TAOK1: variants seen among roughly 807,000 people sequenced by gnomAD.
TAOK1 encodes serine/threonine-protein kinase TAO1.
In TAOK1, 21 loss-of-function variants were observed where a neutral mutation model predicts 138.3. That is an observed-to-expected ratio of 0.15 (90% CI 0.11 to 0.22). The LOEUF (loss-of-function observed/expected upper bound fraction) is 0.22. Among genes scored for constraint, TAOK1 ranks in the 10% least tolerant of loss-of-function variants. The pLI, the probability that TAOK1 is intolerant of heterozygous loss-of-function variation, is 1.00. For synonymous variants in TAOK1, 361 were observed against 398.4 expected, an observed-to-expected ratio of 0.91 and a Z score of 1.12; for missense variants, 651 against 1,227.7, an observed-to-expected ratio of 0.53 and a Z score of 7.02.
intron 17 of TAOK1, among the ~76,000 whole-genome samples, chr17:29,523,751 T>C (rs1400730458): frequency 2.0e-5 from 3 of 152,228 alleles, no homozygotes; most frequent in Non-Finnish European, 1.5e-5. Flanking sequence ...TCAATTGCTC[T>C]GTACATATCT....
intron 19 of TAOK1, among the ~76,000 whole-genome samples, chr17:29,535,128 A>G (rs1598528444): frequency 6.6e-6 from 1 of 152,262 alleles, no homozygotes; most frequent in Non-Finnish European, 1.5e-5. Flanking sequence ...CCTGGGCAAC[A>G]CAGGGAGACC....
At chr17:29,456,858 C>A (rs929003660) in intron 2 of TAOK1, among the ~76,000 whole-genome samples, 9 of 150,112 alleles carry the variant, frequency 6.0e-5, no homozygotes, top group South Asian at 2.1e-4. Flanking sequence ...GTCAGCCCCC[C>A]AAGTAGCTGG....
At chr17:29,419,708 G>A (rs1172966366) in intron 1 of TAOK1, among the ~76,000 whole-genome samples, 1 of 151,636 alleles carries the variant, frequency 6.6e-6, no homozygotes, top group African/African-American at 2.4e-5. Flanking sequence ...TACCCAGGAT[G>A]GTTTTGAACT....
chr17:29,405,226 G>A (rs1029616817), intron 1 of TAOK1, among the ~76,000 whole-genome samples: 4 of 152,124 alleles, frequency 2.6e-5, no homozygotes, highest in African/African-American at 9.7e-5. Context: ...GACCTCAGGT[G>A]ATACACCCGC....
At position 29,490,067 on chromosome 17, in the gene TAOK1, G is replaced by A. The variant is rs966094596; in HGVS notation, c.749+310G>A. On this transcript the variant is annotated intron_variant, in intron 9 of 19. Transcript: ENST00000261716. Reference sequence around the variant, plus strand: ...CCTAATCCTAATTAAATAATAAATAGCATTTAAGCATTAATATTTTATAAC... The same window carrying A: ...CCTAATCCTAATTAAATAATAAATAACATTTAAGCATTAATATTTTATAAC... Among the ~76,000 whole-genome samples, 8 of 151,748 alleles carry A rather than the reference G, an allele frequency of 5.3e-5. No individual in the cohort carries two copies. In the East Asian group the frequency reaches 9.6e-4, roughly 18 times the overall value.
chr17:29,401,371 T>C lies in TAOK1; in HGVS notation c.-95+10347T>C, dbSNP rs1479227684. ...TGGGGAGGCTTCAGAAAACTTACAA[T>C]CATAGCGGAAGTGGAAGTGGGCATA... is the stretch of plus-strand genomic sequence containing the variant. On this transcript the variant is annotated intron_variant, in intron 1 of 19. Coordinates refer to ENST00000261716, the MANE Select transcript of TAOK1 (RefSeq NM_020791.4). Among the ~76,000 whole-genome samples, 14 of 152,110 alleles carry C rather than the reference T, an allele frequency of 9.2e-5. No homozygotes were observed. In the East Asian group the frequency reaches 2.7e-3, roughly 29 times the overall value.
At chr17:29,482,125 G>A (rs2031077611) in intron 7 of TAOK1, 72 bp from the exon 8 acceptor site, 1 of 1,091,846 alleles carries the variant, frequency 9.2e-7, no homozygotes, top group Non-Finnish European at 1.4e-6. Flanking sequence ...CCATGTAGAT[G>A]ACTGTTACAT....
intron 14 of TAOK1, among the ~76,000 whole-genome samples, chr17:29,509,514 A>AAG (rs2031681069): frequency 6.6e-6 from 1 of 151,402 alleles, no homozygotes; most frequent in South Asian, 2.1e-4. Context: ...TATTATTTTT[A>AAG]ATAGCTTGGG....
intron 13 of TAOK1, among the ~76,000 whole-genome samples, chr17:29,507,137 CA>C (rs1206287032): frequency 6.6e-6 from 1 of 152,116 alleles, no homozygotes; most frequent in African/African-American, 2.4e-5. Flanking sequence ...AGGTGATAAA[CA>C]TGCTTTATAA....
chr17:29,407,760 C>G (rs1310604041), intron 1 of TAOK1, among the ~76,000 whole-genome samples: 1 of 152,090 alleles, frequency 6.6e-6, no homozygotes, highest in Admixed American at 6.6e-5. Context: ...GTATCTTACT[C>G]TTTTTGAAGA....
At chr17:29,488,609 T>TAA (rs60492942) in intron 8 of TAOK1, among the ~76,000 whole-genome samples, 4 of 148,934 alleles carry the variant, frequency 2.7e-5, no homozygotes, top group South Asian at 2.1e-4. Flanking sequence ...ATAATAATAA[T>TAA]TGTTAATTTT....
chr17:29,507,778 G>T, intron 13 of TAOK1, 118 bp from the exon 14 acceptor site: 1 of 910,160 alleles, frequency 1.1e-6, no homozygotes, highest in Non-Finnish European at 1.6e-6. Context: ...CTTGGAATCT[G>T]CTAACATTGG....
intron 18 of TAOK1, among the ~76,000 whole-genome samples, chr17:29,531,986 G>T (rs913488960): frequency 6.6e-6 from 1 of 150,442 alleles, no homozygotes; most frequent in African/African-American, 2.5e-5. Flanking sequence ...TCAGCCTCCC[G>T]AATAGCTGAG....
chr17:29,502,838 C>T lies in TAOK1; in HGVS notation c.1338+115C>T, dbSNP rs181392669. On this transcript the variant is annotated intron_variant, in intron 13 of 19. Transcript: ENST00000261716. The stretch of plus-strand genomic sequence containing the variant: ...TTTGGGTTTTATTTTACGAAATACT[C>T]ATTTAATATTTAAGTGCCTATTAAG... 4.3e-4 allele frequency: 502 copies of T among 1,174,854 alleles called. 1 individual carries two copies. The African/African-American group carries it at 7.1e-3, about 17-fold the overall frequency. The allele number at this position is 1,174,854 out of a possible 1,614,324, so 72.8% of individuals were successfully genotyped here. A position where few individuals can be genotyped will look rare whatever the true frequency, so the allele number is the denominator to read the frequency against.
chr17:29,392,771 C>G (rs1011052609), intron 1 of TAOK1, among the ~76,000 whole-genome samples: 4 of 152,050 alleles, frequency 2.6e-5, no homozygotes, highest in African/African-American at 2.4e-5. Context: ...GTTTTCAGCT[C>G]TACTTAGTGA....
intron 2 of TAOK1, among the ~76,000 whole-genome samples, chr17:29,454,279 GTCTA>G (rs1460767496): frequency 2.6e-5 from 4 of 152,034 alleles, no homozygotes; most frequent in Non-Finnish European, 1.5e-5. Context: ...TTATCTGTAT[GTCTA>G]TCTTTATGTC....
intron 1 of TAOK1, among the ~76,000 whole-genome samples, chr17:29,399,051 ATCTCGGCTGCCTGCAGCCT>A (rs951809146): frequency 2.0e-5 from 3 of 148,056 alleles, no homozygotes; most frequent in African/African-American, 7.6e-5. Context: ...CAGTGGCACG[ATCTCGGCTGCCTGCAGCCT>A]TGACCTCCCA....
intron 6 of TAOK1, 89 bp from the exon 7 acceptor site, chr17:29,480,279 T>C (rs757420579): frequency 1.1e-6 from 1 of 877,408 alleles, no homozygotes; most frequent in Non-Finnish European, 1.7e-6. Context: ...TCTCTTTCTC[T>C]ATCCTATGAA....
intron 17 of TAOK1, among the ~76,000 whole-genome samples, chr17:29,530,008 C>CA (rs574221129): frequency 2.1e-3 from 320 of 150,260 alleles, no homozygotes; most frequent in African/African-American, 7.5e-3. Flanking sequence ...GCCTGGGTAA[C>CA]AGAGTGAGAC....
Sources: gnomAD v4.1 joint callset for allele counts (sites outside exome capture counted in the v4.1 genomes callset) on GRCh38, gnomAD v4.1.1 for gene constraint, MANE v1.5 for transcripts, NCBI Gene and HGNC (gene_info 2026-07-23, HGNC 2026-07-21) for gene names.